BPNT2: variants seen among roughly 807,000 people sequenced by gnomAD.
BPNT2 encodes Golgi-resident adenosine 3',5'-bisphosphate 3'-phosphatase.
Under a neutral mutation model 29.3 loss-of-function variants are expected in BPNT2, and 11 were observed. The ratio of observed to expected loss-of-function variants is 0.38; its 90% CI spans 0.24 to 0.62. The LOEUF (loss-of-function observed/expected upper bound fraction) is 0.62, where lower values mean the gene tolerates loss of function less well. Ranked by LOEUF, BPNT2 falls within the 20% of genes least tolerant of loss-of-function variation. The pLI is 0.62. For synonymous variants in BPNT2, 195 were observed against 187.7 expected (o/e 1.04, Z -0.32); for missense variants, 459 against 473.4 (o/e 0.97, Z 0.28).
rs1300313593 is a variant in BPNT2 at position 56,962,714 on chromosome 8, G to A, written c.*1079C>T. On this transcript the variant is annotated 3_prime_UTR_variant, in exon 5 of 5. Coordinates refer to ENST00000262644, the MANE Select transcript of BPNT2 (RefSeq NM_017813.5). ...CAAAAGTTACTACAGAGTTTGGGTA[G>A]GCTAGATACATTTATTAATAGTAAA... is the stretch of plus-strand genomic sequence containing the variant. 6.6e-6 allele frequency: 1 copy of A among 151,914 alleles called. No individual in the cohort carries two copies. Among genetic ancestry groups the A allele is most frequent in the Non-Finnish European group, 1.5e-5 (1 of 68,000 alleles). 9.4% of individuals were successfully genotyped at this position (151,914 alleles called of 1,614,324 possible). A position where few individuals can be genotyped will look rare whatever the true frequency, so the allele number is the denominator to read the frequency against.
chr8:56,968,623 T>C (rs181202981), intron 3 of BPNT2, among the ~76,000 whole-genome samples: 44 of 152,262 alleles, frequency 2.9e-4, no homozygotes, highest in African/African-American at 1.0e-3. Flanking sequence ...CAGTGAGCTA[T>C]GATCATGCCA....
rs752863184 is a variant in BPNT2, at chr8:56,958,151, C to T, written c.*5642G>A. ...TTTGCAAAGGTAACAAAACAAACAACCAGCTTATACAACCAAGGCACAAAA... is the reference window on the plus strand; with the variant it reads ...TTTGCAAAGGTAACAAAACAAACAATCAGCTTATACAACCAAGGCACAAAA... On this transcript the variant is annotated 3_prime_UTR_variant, in exon 5 of 5. Coordinates refer to ENST00000262644, the MANE Select transcript of BPNT2 (RefSeq NM_017813.5). 1 of 152,094 alleles carries T rather than the reference C, an allele frequency of 6.6e-6. No individual in the cohort carries two copies. The highest frequency in any genetic ancestry group is 2.4e-5 in the African/African-American group (1 of 41,402). The allele number at this position is 152,094 out of a possible 1,614,324, so 9.4% of individuals were successfully genotyped here.
intron 3 of BPNT2, among the ~76,000 whole-genome samples, chr8:56,967,533 C>A (rs1348471205): frequency 6.6e-6 from 1 of 152,110 alleles, no homozygotes; most frequent in African/African-American, 2.4e-5. Flanking sequence ...CTCTCAGTGG[C>A]TGTAGGACTC....
intron 1 of BPNT2, among the ~76,000 whole-genome samples, chr8:56,988,295 C>T (rs536711204): frequency 6.6e-6 from 1 of 152,320 alleles, no homozygotes; most frequent in Admixed American, 6.5e-5. Context: ...TACTCACAGT[C>T]TCCATTTCCT....
At chr8:56,968,171 A>T (rs994384440) in intron 3 of BPNT2, among the ~76,000 whole-genome samples, 1 of 152,150 alleles carries the variant, frequency 6.6e-6, no homozygotes, top group African/African-American at 2.4e-5. Flanking sequence ...CTCAGAAAAG[A>T]TGGGCAAACA....
At chr8:56,969,831 A>G (rs1461122556) in intron 3 of BPNT2, among the ~76,000 whole-genome samples, 1 of 152,208 alleles carries the variant, frequency 6.6e-6, no homozygotes, top group Non-Finnish European at 1.5e-5. Context: ...GATCATAAGA[A>G]TATTTTACAG....
intron 3 of BPNT2, among the ~76,000 whole-genome samples, chr8:56,971,782 A>ACCC (rs71258551): frequency 0.083 from 8,628 of 103,646 alleles, 1,538 homozygotes; most frequent in South Asian, 0.14. Context: ...ATTTTGTACC[A>ACCC]CCCCCCCCCC....
At chr8:56,973,914 A>T (rs1295816352) in intron 3 of BPNT2, among the ~76,000 whole-genome samples, 1 of 152,186 alleles carries the variant, frequency 6.6e-6, no homozygotes, top group Non-Finnish European at 1.5e-5. Context: ...ACATTACAAC[A>T]TATTTTCACA....
chr8:56,969,178 A>AT (rs1288888935), intron 3 of BPNT2, among the ~76,000 whole-genome samples: 1 of 152,150 alleles, frequency 6.6e-6, no homozygotes, highest in East Asian at 1.9e-4. Context: ...TGAAAGAATA[A>AT]TTTTCTGTTG....
At position 56,961,607 on chromosome 8, in the gene BPNT2, G is replaced by A. The variant is rs533211209; in HGVS notation, c.*2186C>T. 2 of 152,242 alleles carry A rather than the reference G, an allele frequency of 1.3e-5. No homozygotes were observed. Among genetic ancestry groups the A allele is most frequent in the South Asian group, 4.2e-4 (2 of 4,812 alleles). The allele number at this position is 152,242 out of a possible 1,614,324, so 9.4% of individuals were successfully genotyped here. A position where few individuals can be genotyped will look rare whatever the true frequency, so the allele number is the denominator to read the frequency against. ...AAAATCATCACTTTGGGAGGCCGAG[G>A]TGGGCGGATCACCTGAGGTCGGGAG... On this transcript the variant is annotated 3_prime_UTR_variant, in exon 5 of 5. Coordinates refer to ENST00000262644, the MANE Select transcript of BPNT2 (RefSeq NM_017813.5).
intron 3 of BPNT2, among the ~76,000 whole-genome samples, chr8:56,974,715 A>G (rs187545359): frequency 3.6e-4 from 55 of 152,342 alleles, no homozygotes; most frequent in Middle Eastern, 3.4e-3. Flanking sequence ...GCATTACAGA[A>G]GAATGGGGTA....
At position 56,959,947 on chromosome 8, in the gene BPNT2, A is replaced by AT. The variant is rs1805802841; in HGVS notation, c.*3845dup. The AT allele has an allele frequency of 6.6e-6, 1 of 152,196 alleles. No homozygotes were observed. The highest frequency in any genetic ancestry group is 2.1e-4 in the South Asian group (1 of 4,834). The allele number at this position is 152,196 out of a possible 1,614,324, so 9.4% of individuals were successfully genotyped here. A position where few individuals can be genotyped will look rare whatever the true frequency, so the allele number is the denominator to read the frequency against. On this transcript the variant is annotated 3_prime_UTR_variant, in exon 5 of 5. Coordinates refer to ENST00000262644, the MANE Select transcript of BPNT2 (RefSeq NM_017813.5). The stretch of plus-strand genomic sequence containing the variant: ...TTTTAGATTAAAAATGAAACCATAG[A>AT]TTAGGTTTATTTTATACAACAGTTA...
chr8:56,970,735 T>C (rs1806017678), intron 3 of BPNT2, among the ~76,000 whole-genome samples: 1 of 152,174 alleles, frequency 6.6e-6, no homozygotes, highest in Non-Finnish European at 1.5e-5. Flanking sequence ...AAGGGTAAAA[T>C]GTTTATTATG....
chr8:56,978,813 T>C (rs1806190410), intron 2 of BPNT2, among the ~76,000 whole-genome samples: 1 of 152,166 alleles, frequency 6.6e-6, no homozygotes, highest in Non-Finnish European at 1.5e-5. Context: ...AAATACCACA[T>C]GTTCTCTAAG....
chr8:56,977,105 T>G (rs1040395762), intron 3 of BPNT2, among the ~76,000 whole-genome samples: 1 of 152,190 alleles, frequency 6.6e-6, no homozygotes, highest in Non-Finnish European at 1.5e-5. Flanking sequence ...TTGGGTCCTA[T>G]CTCCAATATA....
At position 56,985,077 on chromosome 8, in the gene BPNT2, G is replaced by A. The variant is rs944220913; in HGVS notation, c.388-4880C>T. Among the ~76,000 whole-genome samples, 7 of 151,868 alleles carry A rather than the reference G, an allele frequency of 4.6e-5. No individual in the cohort carries two copies. In the East Asian group the frequency reaches 1.4e-3, roughly 29 times the overall value. The stretch of plus-strand genomic sequence containing the variant: ...GCCTTTCCTGACTACCATTGATAAA[G>A]AAGGACCACCAGACACTCTCCCAGC... On this transcript the variant is annotated intron_variant, in intron 1 of 4. Transcript: ENST00000262644.
rs191147593 is a variant in BPNT2 at position 56,965,683 on chromosome 8, T to C, written c.808+508A>G. Among the ~76,000 whole-genome samples, 56 of 152,282 alleles carry C rather than the reference T, an allele frequency of 3.7e-4. No individual in the cohort carries two copies. In the Middle Eastern group the frequency reaches 0.01, roughly 28 times the overall value. The stretch of plus-strand genomic sequence containing the variant: ...AAAAACTAGGTTGACTATAATACAA[T>C]AGTAGAGAATATACGATAAGGTGGG... On this transcript the variant is annotated intron_variant, in intron 4 of 4. Coordinates refer to ENST00000262644, the MANE Select transcript of BPNT2 (RefSeq NM_017813.5).
intron 1 of BPNT2, among the ~76,000 whole-genome samples, chr8:56,991,155 AG>A (rs1563412760): frequency 6.6e-6 from 1 of 152,222 alleles, no homozygotes; most frequent in African/African-American, 2.4e-5. Context: ...CCTATAACAC[AG>A]GGGTATAAGG....
rs184464893 is a variant in BPNT2 at position 56,959,314 on chromosome 8, T to C, written c.*4479A>G. On this transcript the variant is annotated 3_prime_UTR_variant, in exon 5 of 5. Coordinates refer to ENST00000262644, the MANE Select transcript of BPNT2 (RefSeq NM_017813.5). ...TAAATAAAGCTTTGCCAATGGTAAA[T>C]TGGAATGCATATACTTGCCAGGCTT... The C allele has an allele frequency of 9.0e-4, 137 of 152,276 alleles. No individual in the cohort carries two copies. The highest frequency in any genetic ancestry group is 3.1e-3 in the African/African-American group (129 of 41,568). The allele number at this position is 152,276 out of a possible 1,614,324, so 9.4% of individuals were successfully genotyped here.
Sources: allele counts gnomAD v4.1 joint callset (sites outside exome capture counted in the v4.1 genomes callset), GRCh38; gene constraint gnomAD v4.1.1; transcripts MANE v1.5; gene names NCBI Gene and HGNC (gene_info 2026-07-23, HGNC 2026-07-21).